The following SERPING1 variants were observed in gnomAD, a reference collection of about 807,000 sequenced individuals.
SERPING1 encodes the protein serpin family G member 1.
A neutral mutation model predicts 34.1 loss-of-function variants in SERPING1; 5 were observed. The ratio of observed to expected loss-of-function variants is 0.15; its 90% CI spans 0.08 to 0.31. The LOEUF (loss-of-function observed/expected upper bound fraction) is 0.31. SERPING1 is among the 10% of genes least tolerant of loss of function. SERPING1 has a pLI of 1.00. For synonymous variants in SERPING1, 225 were observed against 242.4 expected, an observed-to-expected ratio of 0.93 and a Z score of 0.67; for missense variants, 505 against 609.5, an observed-to-expected ratio of 0.83 and a Z score of 1.81.
chr11:57,603,270 G>A lies in SERPING1; in HGVS notation c.685+1101G>A, dbSNP rs936592967. 2.2e-4 allele frequency among the ~76,000 whole-genome samples: 33 copies of A among 151,394 alleles called. No individual in the cohort carries two copies. The South Asian group carries it at 2.7e-3, about 12-fold the overall frequency. On this transcript the variant is annotated intron_variant, in intron 4 of 7. Transcript: ENST00000278407. ...AAGGAAGAAAGAAAAAAGGCCAGGC[G>A]CGGTGACTCACGCCTGTAATCGCAA...
chr11:57,608,185 C>T lies in SERPING1; in HGVS notation c.1029+1638C>T, dbSNP rs148660754. ...TATAAATATGAGATTTTTTTCAAAT[C>T]AATTGGAATGGCTATTTAATCAAAG... On this transcript the variant is annotated intron_variant, in intron 6 of 7. Transcript: ENST00000278407. Among the ~76,000 whole-genome samples, 23 of 152,108 alleles carry T rather than the reference C, an allele frequency of 1.5e-4. No individual in the cohort carries two copies. In the East Asian group the frequency reaches 4.2e-3, roughly 28 times the overall value.
intron 3 of SERPING1, among the ~76,000 whole-genome samples, chr11:57,600,744 A>G (rs906275430): frequency 6.6e-6 from 1 of 152,150 alleles, no homozygotes; most frequent in Non-Finnish European, 1.5e-5. Context: ...TGAGGTCAGG[A>G]GTTCAAGACC....
At chr11:57,608,216 G>C (rs1319220678) in intron 6 of SERPING1, among the ~76,000 whole-genome samples, 1 of 152,202 alleles carries the variant, frequency 6.6e-6, no homozygotes, top group East Asian at 1.9e-4. Context: ...CAAAGCCATA[G>C]ATGTTAGGTG....
At chr11:57,609,996 A>G (rs1945461345) in intron 6 of SERPING1, among the ~76,000 whole-genome samples, 1 of 152,218 alleles carries the variant, frequency 6.6e-6, no homozygotes, top group African/African-American at 2.4e-5. Context: ...TGGCCATATC[A>G]TCCTAACACC....
chr11:57,604,234 T>C (rs753986642), intron 4 of SERPING1, among the ~76,000 whole-genome samples: 5 of 152,102 alleles, frequency 3.3e-5, no homozygotes, highest in Non-Finnish European at 5.9e-5. Flanking sequence ...ATTTTTTTGC[T>C]CATTTTTGGG....
In SERPING1 at chr11:57,598,321, G is replaced by A. The variant is rs199473715; in HGVS notation, c.51G>A (p.Gly17=). ...LLTLLLLLLA[G]DRASSNPNAT... Reference sequence around the variant, plus strand: ...CCCTCCTGCTGCTGCTGCTGGCTGGGGTATGTGGTCCCTTGTGGGATGGGG... The same window carrying A: ...CCCTCCTGCTGCTGCTGCTGGCTGGAGTATGTGGTCCCTTGTGGGATGGGG... The change falls in exon 2 of 8, where the codon GGG becomes GGA. Residue 17 remains glycine, a splice_region_variant and synonymous_variant. Coordinates refer to ENST00000278407, the MANE Select transcript of SERPING1 (RefSeq NM_000062.3). 3 of 1,562,684 alleles carry A rather than the reference G, an allele frequency of 1.9e-6. No individual in the cohort carries two copies. The highest frequency in any genetic ancestry group is 2.6e-6 in the Non-Finnish European group (3 of 1,155,254).
chr11:57,605,825 G>T, intron 4 of SERPING1, 185 bp from the exon 5 acceptor site: 1 of 681,238 alleles, frequency 1.5e-6, no homozygotes, highest in South Asian at 1.6e-5. Context: ...TCTTGGTTCT[G>T]GGTTTACCTT....
chr11:57,604,771 G>C (rs1007054926), intron 4 of SERPING1, among the ~76,000 whole-genome samples: 112 of 151,992 alleles, frequency 7.4e-4, no homozygotes, highest in African/African-American at 2.4e-3. Context: ...GAGAGGCTGA[G>C]GTAGGAGGAT....
intron 3 of SERPING1, among the ~76,000 whole-genome samples, chr11:57,601,325 C>A (rs1028744945): frequency 2.0e-5 from 3 of 150,802 alleles, no homozygotes; most frequent in African/African-American, 7.3e-5. Context: ...CACTTGAACA[C>A]GGGAGGCAGA....
intron 4 of SERPING1, chr11:57,605,582 C>CTT (rs35319364): frequency 1.7e-4 from 25 of 149,418 alleles, no homozygotes; most frequent in South Asian, 4.2e-4. Flanking sequence ...CTTTCAAGTG[C>CTT]TTTTTTTTTT....
chr11:57,614,833 A>C lies in SERPING1; in HGVS notation c.*252A>C. On this transcript the variant is annotated 3_prime_UTR_variant, in exon 8 of 8. Transcript: ENST00000278407. ...AAGTTCACCAGACTCTATAAATAAA[A>C]CCTGACAGACCATGACTTTCTCTGC... 1 of 486,060 alleles carries C rather than the reference A, an allele frequency of 2.1e-6. No homozygotes were observed. 30.1% of individuals were successfully genotyped at this position (486,060 alleles called of 1,614,324 possible).
In SERPING1 at chr11:57,598,329, G is replaced by A. The variant is rs572325752; in HGVS notation, c.51+8G>A. ...CTGCTGCTGCTGGCTGGGGTATGTG[G>A]TCCCTTGTGGGATGGGGGACGGGGG... On this transcript the variant is annotated splice_region_variant and intron_variant, in intron 2 of 7. Transcript: ENST00000278407. 1.9e-6 allele frequency: 3 copies of A among 1,559,088 alleles called. No individual in the cohort carries two copies. The highest frequency in any genetic ancestry group is 2.4e-5 in the East Asian group (1 of 42,538).
At chr11:57,598,100 C>A (rs1404626493) in intron 1 of SERPING1, 149 bp from the exon 2 acceptor site, 2 of 597,840 alleles carry the variant, frequency 3.3e-6, no homozygotes, top group Non-Finnish European at 6.0e-6. Flanking sequence ...GAGGGAGGAG[C>A]CAGGGAGAAG....
At chr11:57,604,783 G>A (rs938271301) in intron 4 of SERPING1, among the ~76,000 whole-genome samples, 2 of 151,746 alleles carry the variant, frequency 1.3e-5, no homozygotes, top group African/African-American at 4.8e-5. Flanking sequence ...TAGGAGGATT[G>A]CTTGAGGCTA....
At chr11:57,613,313 C>T (rs1201099247) in intron 7 of SERPING1, among the ~76,000 whole-genome samples, 2 of 152,114 alleles carry the variant, frequency 1.3e-5, no homozygotes, top group African/African-American at 2.4e-5. Flanking sequence ...CATCAGATCC[C>T]GTGCAGTTTA....
intron 2 of SERPING1, 21 bp downstream of exon 2, chr11:57,598,342 TG>T: frequency 6.5e-7 from 1 of 1,549,100 alleles, no homozygotes; most frequent in East Asian, 2.4e-5. Context: ...CCTTGTGGGA[TG>T]GGGGACGGGG....
chr11:57,604,081 G>A (rs1425602187), intron 4 of SERPING1, among the ~76,000 whole-genome samples: 13 of 149,614 alleles, frequency 8.7e-5, no homozygotes, highest in African/African-American at 3.0e-4. Flanking sequence ...GCAGTCAGCT[G>A]AGATCGCACC....
intron 4 of SERPING1, among the ~76,000 whole-genome samples, chr11:57,604,711 T>A (rs1945389443): frequency 6.6e-6 from 1 of 152,018 alleles, no homozygotes; most frequent in Admixed American, 6.6e-5. Flanking sequence ...TTTTTTAAAC[T>A]GTAAAAACAA....
intron 3 of SERPING1, among the ~76,000 whole-genome samples, chr11:57,601,400 T>TTA (rs1410345614): frequency 1.5e-5 from 1 of 65,228 alleles, no homozygotes; most frequent in African/African-American, 6.5e-5. Flanking sequence ...AGACTCTGTC[T>TTA]CAAAAAAAAA....
Sources: allele counts gnomAD v4.1 joint callset (sites outside exome capture counted in the v4.1 genomes callset), GRCh38; gene constraint gnomAD v4.1.1; transcripts MANE v1.5; gene names NCBI Gene and HGNC (gene_info 2026-07-23, HGNC 2026-07-21).